The following ERO1B variants were observed in gnomAD, a reference collection of about 807,000 sequenced individuals.
ERO1B encodes the protein ERO1-like protein beta.
ERO1B carries 49 observed loss-of-function variants against 75.3 expected under a neutral mutation model. The ratio of observed to expected loss-of-function variants is 0.65; its 90% CI spans 0.52 to 0.83. ERO1B has a LOEUF of 0.83. Among genes scored for constraint, ERO1B ranks in the 40% least tolerant of loss-of-function variants. The pLI is 0.00. For missense variants in ERO1B, 512 were observed against 560.1 expected (o/e 0.91, Z 0.87); for synonymous variants, 191 against 192.9 (o/e 0.99, Z 0.08).
At chr1:236,232,989 T>C (rs1362063259) in intron 8 of ERO1B, 150 bp from the exon 9 acceptor site, 5 of 582,128 alleles carry the variant, frequency 8.6e-6, no homozygotes, top group Non-Finnish European at 1.1e-5. Context: ...GTCCTCTTAA[T>C]CAGAATACAG....
chr1:236,227,576 G>A lies in ERO1B; in HGVS notation c.713-837C>T, dbSNP rs564416371. ...AATTTTAAGAAGTCACTGGATACACGGCCATGAGCTTTTCCCTCCTTCATC... is the reference window on the plus strand; with the variant it reads ...AATTTTAAGAAGTCACTGGATACACAGCCATGAGCTTTTCCCTCCTTCATC... On this transcript the variant is annotated intron_variant, in intron 10 of 15. Transcript: ENST00000354619. 2.6e-5 allele frequency among the ~76,000 whole-genome samples: 4 copies of A among 152,254 alleles called. No homozygotes were observed. In the East Asian group the frequency reaches 7.7e-4, roughly 29 times the overall value.
intron 2 of ERO1B, among the ~76,000 whole-genome samples, chr1:236,267,397 A>G (rs1665471907): frequency 6.6e-6 from 1 of 152,230 alleles, no homozygotes; most frequent in African/African-American, 2.4e-5. Flanking sequence ...TAATATTGAG[A>G]AAATTTTGGT....
chr1:236,235,941 T>C, intron 7 of ERO1B, 106 bp from the exon 8 acceptor site: 2 of 1,014,626 alleles, frequency 2.0e-6, no homozygotes, highest in Non-Finnish European at 2.9e-6. Context: ...TCTTTTTTTT[T>C]TGAGACAGAG....
intron 10 of ERO1B, 151 bp downstream of exon 10, chr1:236,230,073 T>C (rs935325793): frequency 1.6e-6 from 1 of 610,316 alleles, no homozygotes; most frequent in East Asian, 3.2e-5. Context: ...CACATAATTT[T>C]ATCCCCATAT....
intron 2 of ERO1B, among the ~76,000 whole-genome samples, chr1:236,263,440 G>A (rs569286468): frequency 2.0e-5 from 3 of 151,866 alleles, no homozygotes; most frequent in African/African-American, 4.8e-5. Context: ...AGTAGAGATG[G>A]GGTTTCACTA....
At chr1:236,278,888 G>C (rs1187722075) in intron 1 of ERO1B, among the ~76,000 whole-genome samples, 1 of 152,116 alleles carries the variant, frequency 6.6e-6, no homozygotes, top group Non-Finnish European at 1.5e-5. Context: ...TAATGACTTT[G>C]ATTTCTTGTG....
intron 3 of ERO1B, 28 bp from the exon 4 acceptor site, chr1:236,252,119 T>A (rs755494534): frequency 1.2e-5 from 17 of 1,455,964 alleles, no homozygotes; most frequent in South Asian, 1.1e-4. Context: ...AGCAAAAAAA[T>A]TTTTAAGTGA....
chr1:236,267,452 G>A (rs371541003), intron 2 of ERO1B, among the ~76,000 whole-genome samples: 39 of 152,278 alleles, frequency 2.6e-4, no homozygotes, highest in African/African-American at 8.4e-4. Flanking sequence ...AAATATTTGA[G>A]TACTTCTACT....
chr1:236,267,634 G>A (rs1665479577), intron 2 of ERO1B: 1 of 152,134 alleles, frequency 6.6e-6, no homozygotes, highest in Non-Finnish European at 1.5e-5. Context: ...TATGAAACTG[G>A]CATGTTCAAC....
Position 236,226,464 on chromosome 1 carries a change from CGGT to C in ERO1B, c.854_856del (p.His285del). 6.2e-7 allele frequency: 1 copy of C among 1,614,072 alleles called. No homozygotes were observed. Among genetic ancestry groups the C allele is most frequent in the Non-Finnish European group, 8.5e-7 (1 of 1,179,996 alleles). ...TCCCTTGGTTTCCACAGGGTCAAAG[CGGT>C]GTTTGAATTCTTTAATATTAGGTCC... On this transcript the variant is annotated inframe_deletion, in exon 12 of 16. Transcript: ENST00000354619.
rs1314256222 is a variant in ERO1B at position 236,245,671 on chromosome 1, C to T, written c.432-2176G>A. On this transcript the variant is annotated intron_variant, in intron 5 of 15. Coordinates refer to ENST00000354619, the MANE Select transcript of ERO1B (RefSeq NM_019891.4). ...CACGATCTTGGCTCACCGCAACCTC[C>T]ACCTCCTGGGTTCAAGTGATTCTCC... 2.8e-5 allele frequency among the ~76,000 whole-genome samples: 4 copies of T among 142,996 alleles called. No homozygotes were observed. In the East Asian group the frequency reaches 8.3e-4, roughly 30 times the overall value. 93.8% of individuals were successfully genotyped at this position (142,996 alleles called of 152,430 possible).
chr1:236,260,011 C>G (rs891038857), intron 2 of ERO1B, among the ~76,000 whole-genome samples: 2 of 152,098 alleles, frequency 1.3e-5, no homozygotes, highest in Non-Finnish European at 2.9e-5. Flanking sequence ...TTTAAGAACA[C>G]TGAAATCATA....
intron 2 of ERO1B, chr1:236,268,051 G>C (rs1665490946): frequency 6.6e-6 from 1 of 152,130 alleles, no homozygotes; most frequent in Admixed American, 6.5e-5. Context: ...TTTAGGTATA[G>C]ATTACTCTTT....
At chr1:236,271,552 C>G (rs1665587622) in intron 1 of ERO1B, among the ~76,000 whole-genome samples, 1 of 152,012 alleles carries the variant, frequency 6.6e-6, no homozygotes, top group Non-Finnish European at 1.5e-5. Context: ...TCCTCCCCAG[C>G]CAGTCTGAAA....
chr1:236,227,097 T>A (rs1356874856), intron 10 of ERO1B, among the ~76,000 whole-genome samples: 1 of 152,210 alleles, frequency 6.6e-6, no homozygotes, highest in Non-Finnish European at 1.5e-5. Context: ...AATTATAAAG[T>A]CACTGCTGGA....
rs749942690 is a variant in ERO1B, at chr1:236,230,213, A to AGACT, written c.712+7_712+10dup. ...ACAAAAAATCCAATAAATTTAGAAC[A>AGACT]GACTGTTTACCTTCTAGCCATGTGT... On this transcript the variant is annotated intron_variant, in intron 10 of 15. Transcript: ENST00000354619. The AGACT allele has an allele frequency of 6.3e-6, 10 of 1,586,280 alleles. No homozygotes were observed. Among genetic ancestry groups the AGACT allele is most frequent in the Non-Finnish European group, 6.0e-6 (7 of 1,158,972 alleles).
chr1:236,232,139 C>T (rs955992059), intron 9 of ERO1B, among the ~76,000 whole-genome samples: 1 of 152,176 alleles, frequency 6.6e-6, no homozygotes, highest in African/African-American at 2.4e-5. Flanking sequence ...TCTGTTTCTC[C>T]TCTAAGGAGC....
chr1:236,249,405 C>T (rs1055132760), intron 5 of ERO1B, among the ~76,000 whole-genome samples: 5 of 152,116 alleles, frequency 3.3e-5, no homozygotes, highest in Non-Finnish European at 7.3e-5. Context: ...TATGTCTAGT[C>T]ATTTTATACT....
intron 6 of ERO1B, among the ~76,000 whole-genome samples, chr1:236,239,401 C>A (rs911374864): frequency 6.6e-6 from 1 of 152,104 alleles, no homozygotes; most frequent in Non-Finnish European, 1.5e-5. Context: ...GTCTATAAAG[C>A]CTAAAATAGT....
Sources: gnomAD v4.1 joint callset for allele counts (sites outside exome capture counted in the v4.1 genomes callset) on GRCh38, gnomAD v4.1.1 for gene constraint, MANE v1.5 for transcripts, NCBI Gene and HGNC (gene_info 2026-07-23, HGNC 2026-07-21) for gene names.